MYPN: variants seen among roughly 807,000 people sequenced by gnomAD.
MYPN encodes sarcomeric protein myopalladin, 145 kDa (MYOP).
In MYPN, 63 loss-of-function variants were observed where a neutral mutation model predicts 129.4. The observed-to-expected ratio is 0.49, with a 90% CI of 0.40 to 0.60. The LOEUF (loss-of-function observed/expected upper bound fraction) is 0.60, where lower values mean the gene tolerates loss of function less well. Among genes scored for constraint, MYPN ranks in the 20% least tolerant of loss-of-function variants. The pLI is 0.00. For synonymous variants in MYPN, 629 were observed against 600.9 expected (o/e 1.05, Z -0.68); for missense variants, 1,596 against 1,635.4 (o/e 0.98, Z 0.42).
chr10:68,105,053 G>C (rs772980927), upstream of MYPN, among the ~76,000 whole-genome samples: 11 of 152,138 alleles, frequency 7.2e-5, no homozygotes, highest in African/African-American at 1.4e-4. Context: ...AAAGTGCTGG[G>C]ATTATAGGCA....
At chr10:68,204,881 G>T (rs2043787338) in intron 18 of MYPN, among the ~76,000 whole-genome samples, 1 of 151,608 alleles carries the variant, frequency 6.6e-6, no homozygotes, top group African/African-American at 2.4e-5. Context: ...CCCCCCACTT[G>T]CCAGTACCCC....
intron 10 of MYPN, among the ~76,000 whole-genome samples, chr10:68,173,359 T>C (rs1406203583): frequency 1.3e-5 from 2 of 152,218 alleles, no homozygotes; most frequent in East Asian, 3.9e-4. Flanking sequence ...TACTTTCCTC[T>C]GGTCATCAGA....
intron 18 of MYPN, among the ~76,000 whole-genome samples, chr10:68,205,323 A>G (rs1219142144): frequency 6.6e-6 from 1 of 151,608 alleles, no homozygotes; most frequent in Non-Finnish European, 1.5e-5. Context: ...ATTTATCTTT[A>G]TTTCTACTTA....
In MYPN at chr10:68,165,784, C is replaced by T. The variant is rs1247578955; in HGVS notation, c.1566C>T (p.Gly522=). 2 of 1,614,002 alleles carry T rather than the reference C, an allele frequency of 1.2e-6. No individual in the cohort carries two copies. Residue 522 remains glycine, a synonymous_variant, in exon 9 of 20, where the codon GGC becomes GGT. Coordinates refer to ENST00000358913, the MANE Select transcript of MYPN (RefSeq NM_032578.4). ...CATGTACTGCAAGCAACAAATACGG[C>T]ACAGTGTCAAGCATTGCACAGCTGC... ...CFTCTASNKY[G]TVSSIAQLHV...
At chr10:68,197,309 A>G (rs2043624699) in intron 15 of MYPN, 43 bp from the exon 16 acceptor site, 1 of 1,607,468 alleles carries the variant, frequency 6.2e-7, no homozygotes, top group Middle Eastern at 1.8e-4. Context: ...AAGTTTGTAA[A>G]TTTATTTCTA....
chr10:68,191,559 T>C (rs1424920177), intron 13 of MYPN, among the ~76,000 whole-genome samples: 2 of 152,202 alleles, frequency 1.3e-5, no homozygotes, highest in South Asian at 2.1e-4. Flanking sequence ...GTTGTTTTGA[T>C]AGGGATTGCG....
chr10:68,101,190 A>G (rs751548826), upstream of MYPN, among the ~76,000 whole-genome samples: 9 of 152,200 alleles, frequency 5.9e-5, no homozygotes, highest in Non-Finnish European at 7.3e-5. Flanking sequence ...TAAATACGTA[A>G]AAAAAGACCT....
chr10:68,201,701 A>C, intron 17 of MYPN, 128 bp from the exon 18 acceptor site: 2 of 977,390 alleles, frequency 2.0e-6, no homozygotes, highest in Non-Finnish European at 3.1e-6. Context: ...CTGGCAGGGG[A>C]GGGGTGCAGG....
rs190768072 is a variant in MYPN, at chr10:68,137,823, C to T, written c.903-5117C>T. 4.5e-3 allele frequency among the ~76,000 whole-genome samples: 686 copies of T among 152,130 alleles called. 3 individuals carry two copies. Among genetic ancestry groups the T allele is most frequent in the African/African-American group, 0.015 (636 of 41,522 alleles). The stretch of plus-strand genomic sequence containing the variant: ...TTTGAGAAAATGTCTGCTGAATACC[C>T]AAGTTTGAATAACCATAATTTGTCT... On this transcript the variant is annotated intron_variant, in intron 2 of 19. Transcript: ENST00000358913.
intron 8 of MYPN, among the ~76,000 whole-genome samples, chr10:68,164,596 T>C: frequency 6.6e-6 from 1 of 152,250 alleles, no homozygotes; most frequent in East Asian, 1.9e-4. Context: ...AATGCAACTA[T>C]TTTTTAATAA....
At chr10:68,200,548 A>G (rs984367167) in intron 17 of MYPN, among the ~76,000 whole-genome samples, 1 of 152,100 alleles carries the variant, frequency 6.6e-6, no homozygotes, top group Non-Finnish European at 1.5e-5. Context: ...ACCTGAGGTT[A>G]GGAGTTCAAG....
intron 2 of MYPN, among the ~76,000 whole-genome samples, chr10:68,134,070 C>G (rs762338142): frequency 2.0e-5 from 3 of 152,128 alleles, no homozygotes; most frequent in Non-Finnish European, 4.4e-5. Flanking sequence ...GGGAAGAAAT[C>G]ATTCTTCAAA....
intron 8 of MYPN, among the ~76,000 whole-genome samples, chr10:68,165,263 C>G (rs892028135): frequency 3.9e-5 from 6 of 152,178 alleles, no homozygotes; most frequent in Non-Finnish European, 8.8e-5. Flanking sequence ...GACCAGTCTG[C>G]CAACATGGCA....
intron 2 of MYPN, among the ~76,000 whole-genome samples, chr10:68,128,789 G>A (rs1430676582): frequency 4.6e-5 from 7 of 152,188 alleles, no homozygotes; most frequent in Non-Finnish European, 1.0e-4. Flanking sequence ...ACAGCTAAGA[G>A]TTAGGCTGGC....
chr10:68,194,590 A>C, intron 14 of MYPN, 78 bp downstream of exon 14: 1 of 1,493,564 alleles, frequency 6.7e-7, no homozygotes, highest in South Asian at 1.2e-5. Context: ...GACCTTGAGA[A>C]GTGCGAGTTA....
At chr10:68,152,732 G>A (rs61857529) in intron 6 of MYPN, among the ~76,000 whole-genome samples, 1 of 151,982 alleles carries the variant, frequency 6.6e-6, no homozygotes, top group Non-Finnish European at 1.5e-5. Flanking sequence ...GCCCCCCCGG[G>A]TTTAAGCGAT....
chr10:68,125,510 GTATT>G (rs996376298), intron 2 of MYPN, among the ~76,000 whole-genome samples: 10 of 152,196 alleles, frequency 6.6e-5, no homozygotes, highest in Non-Finnish European at 1.2e-4. Flanking sequence ...AAGCAAATAT[GTATT>G]TATTTAGTTA....
Position 68,210,749 on chromosome 10 carries a change from T to C in MYPN, c.*294T>C, listed in dbSNP as rs1328823664. 1 of 511,838 alleles carries C rather than the reference T, an allele frequency of 2.0e-6. No individual in the cohort carries two copies. Among genetic ancestry groups the C allele is most frequent in the Non-Finnish European group, 3.8e-6 (1 of 264,554 alleles). The allele number at this position is 511,838 out of a possible 1,614,324, so 31.7% of individuals were successfully genotyped here. The stretch of plus-strand genomic sequence containing the variant: ...TTGGGAAAAAACTAGCATGCTCCCC[T>C]GCTCCCTGTTGTGTTAGGGATGTTT... On this transcript the variant is annotated 3_prime_UTR_variant, in exon 20 of 20. Transcript: ENST00000358913.
Position 68,190,359 on chromosome 10 carries a change from G to A in MYPN, c.2925+1233G>A, listed in dbSNP as rs146933926. ...CTGCCACCACACCTGGCTAATTTTT[G>A]TATTTTTAGTAGAGACGGGGTTTCA... On this transcript the variant is annotated intron_variant, in intron 13 of 19. Coordinates refer to ENST00000358913, the MANE Select transcript of MYPN (RefSeq NM_032578.4). Among the ~76,000 whole-genome samples, 142 of 152,186 alleles carry A rather than the reference G, an allele frequency of 9.3e-4. 4 individuals are homozygous for A. The East Asian group carries it at 0.022, about 24-fold the overall frequency.
Sources: allele counts gnomAD v4.1 joint callset (sites outside exome capture counted in the v4.1 genomes callset), GRCh38; gene constraint gnomAD v4.1.1; transcripts MANE v1.5; gene names NCBI Gene and HGNC (gene_info 2026-07-23, HGNC 2026-07-21).